Variants in DENND1B observed in about 807,000 individuals in gnomAD.
DENND1B encodes the protein DENN domain-containing protein 1B.
DENND1B carries 59 observed loss-of-function variants against 90.1 expected under a neutral mutation model. That is an observed-to-expected ratio of 0.65 (90% CI 0.53 to 0.81). The LOEUF (loss-of-function observed/expected upper bound fraction) is 0.81, where lower values mean the gene tolerates loss of function less well. DENND1B is among the 40% of genes least tolerant of loss of function. The pLI is 0.00. For synonymous variants in DENND1B, 337 were observed against 324.6 expected (o/e 1.04, Z -0.41); for missense variants, 862 against 912.6 (o/e 0.94, Z 0.71).
intron 2 of DENND1B, chr1:197,747,294 T>G (rs1652834461): frequency 1.6e-6 from 1 of 606,078 alleles, no homozygotes; most frequent in East Asian, 3.4e-5. Context: ...CAGTTTTGGG[T>G]TCATCTATCG....
rs1296089356 is a variant in DENND1B, at chr1:197,510,302, T to C, written c.*158A>G. Reference sequence around the variant, plus strand: ...AATTCGCTTTATATTTAAAAATCAATGCATTTCATATATCCTCGAAATGAA... The same window carrying C: ...AATTCGCTTTATATTTAAAAATCAACGCATTTCATATATCCTCGAAATGAA... On this transcript the variant is annotated 3_prime_UTR_variant, in exon 23 of 23. Coordinates refer to ENST00000620048, the MANE Select transcript of DENND1B (RefSeq NM_001195215.2). 1.3e-6 allele frequency: 1 copy of C among 791,920 alleles called. No individual in the cohort carries two copies. Among genetic ancestry groups the C allele is most frequent in the Non-Finnish European group, 1.9e-6 (1 of 522,848 alleles). The allele number at this position is 791,920 out of a possible 1,614,324, so 49.1% of individuals were successfully genotyped here. A position where few individuals can be genotyped will look rare whatever the true frequency, so the allele number is the denominator to read the frequency against.
chr1:197,654,565 G>A (rs527778010), intron 6 of DENND1B, among the ~76,000 whole-genome samples: 4 of 151,476 alleles, frequency 2.6e-5, no homozygotes, highest in African/African-American at 7.3e-5. Flanking sequence ...AGCCGAGATC[G>A]CACCACTGCC....
intron 7 of DENND1B, among the ~76,000 whole-genome samples, chr1:197,651,381 CA>C (rs1460338643): frequency 1.3e-5 from 2 of 151,970 alleles, no homozygotes; most frequent in Non-Finnish European, 2.9e-5. Flanking sequence ...TTCAATAGTA[CA>C]ATAAATAATC....
intron 16 of DENND1B, among the ~76,000 whole-genome samples, chr1:197,551,587 T>C (rs1671246707): frequency 6.6e-6 from 1 of 152,102 alleles, no homozygotes; most frequent in African/African-American, 2.4e-5. Context: ...TATTCAGAGG[T>C]ACCTGGACCA....
Position 197,628,336 on chromosome 1 carries a change from C to T in DENND1B, c.673-10577G>A, listed in dbSNP as rs183124286. The stretch of plus-strand genomic sequence containing the variant: ...CTGGTACCAAAACAGATATATAGAT[C>T]AACGGAACAGAACAGAGCCCTCAGA... On this transcript the variant is annotated intron_variant, in intron 10 of 22. Transcript: ENST00000620048. Among the ~76,000 whole-genome samples, 668 of 152,182 alleles carry T rather than the reference C, an allele frequency of 4.4e-3. 10 individuals carry two copies. The highest frequency in any genetic ancestry group is 0.015 in the African/African-American group (625 of 41,524).
At chr1:197,735,554 C>G (rs369564745) in intron 2 of DENND1B, 1 of 1,613,718 alleles carries the variant, frequency 6.2e-7, no homozygotes, top group Non-Finnish European at 8.5e-7. Context: ...ACAAAGTGTT[C>G]TTAGACTTTT....
intron 11 of DENND1B, among the ~76,000 whole-genome samples, chr1:197,612,773 T>C (rs1677294287): frequency 6.6e-6 from 1 of 150,606 alleles, no homozygotes; most frequent in Non-Finnish European, 1.5e-5. Flanking sequence ...ATAGACAATA[T>C]AAACTGAATA....
At chr1:197,516,097 T>C (rs1208670348) in intron 20 of DENND1B, among the ~76,000 whole-genome samples, 1 of 151,838 alleles carries the variant, frequency 6.6e-6, no homozygotes, top group African/African-American at 2.4e-5. Context: ...TTCTATCCAT[T>C]TCTATATAGG....
intron 20 of DENND1B, among the ~76,000 whole-genome samples, chr1:197,529,298 ATGTGTATATATGTATATATATG>A (rs1669441429): frequency 6.9e-6 from 1 of 144,568 alleles, no homozygotes; most frequent in African/African-American, 2.6e-5. Flanking sequence ...ATATGTATAT[ATGTGTATATATGTATATATATG>A]TGTGTATATA....
At position 197,569,972 on chromosome 1, in the gene DENND1B, T is replaced by C. The variant is rs943656021; in HGVS notation, c.1149+13180A>G. Among the ~76,000 whole-genome samples the C allele has an allele frequency of 3.3e-5, 5 of 152,182 alleles. No individual in the cohort carries two copies. The South Asian group carries it at 6.2e-4, about 19-fold the overall frequency. ...TGTTAATTACATGAGTTAACTGATA[T>C]GTTACTTAGCTTGATTTAGTCATTC... is the stretch of plus-strand genomic sequence containing the variant. On this transcript the variant is annotated intron_variant, in intron 15 of 22. Coordinates refer to ENST00000620048, the MANE Select transcript of DENND1B (RefSeq NM_001195215.2).
chr1:197,621,024 A>T (rs982532767), intron 10 of DENND1B, among the ~76,000 whole-genome samples: 1 of 151,340 alleles, frequency 6.6e-6, no homozygotes, highest in East Asian at 2.0e-4. Flanking sequence ...ATTCCAGGTA[A>T]ATTAAACGAG....
intron 2 of DENND1B, among the ~76,000 whole-genome samples, chr1:197,751,127 A>C (rs1160886140): frequency 6.6e-6 from 1 of 152,220 alleles, no homozygotes; most frequent in African/African-American, 2.4e-5. Flanking sequence ...ACAACTGCAG[A>C]ATATATATTC....
In DENND1B at chr1:197,680,568, A is replaced by G. The variant is rs76697174; in HGVS notation, c.127-6399T>C. On this transcript the variant is annotated intron_variant, in intron 3 of 22. Coordinates refer to ENST00000620048, the MANE Select transcript of DENND1B (RefSeq NM_001195215.2). ...CGAGAGTAAAGGAAATACAATTCCT[A>G]ATTTTCAAAACTAGGGAGACTTGAG... 5.8e-3 allele frequency among the ~76,000 whole-genome samples: 883 copies of G among 152,330 alleles called. 9 individuals are homozygous for G. The highest frequency in any genetic ancestry group is 0.02 in the African/African-American group (816 of 41,582).
At chr1:197,737,996 A>C (rs570580077) in intron 2 of DENND1B, among the ~76,000 whole-genome samples, 6 of 134,308 alleles carry the variant, frequency 4.5e-5, no homozygotes, top group African/African-American at 1.4e-4. Flanking sequence ...AACCCAGCTC[A>C]TTTTCTTCCC....
chr1:197,607,171 C>T lies in DENND1B; in HGVS notation c.823G>A (p.Val275Met), dbSNP rs759468236. The change falls in exon 13 of 23, where the codon GTG becomes ATG. Residue 275 changes from valine (V) to methionine (M), a missense_variant. Physicochemically the swap from Val to Met is conservative, Grantham distance 21. Transcript: ENST00000620048. Reference protein sequence around the residue: ...IGIHSSLIERVKNKSLEDVVM... With the variant: ...IGIHSSLIERMKNKSLEDVVM... ...ACATCTTCCAATGATTTGTTTTTCA[C>T]TCTCTATAAAAAAAACACAATTATG... 2.1e-6 allele frequency: 3 copies of T among 1,442,594 alleles called. No individual in the cohort carries two copies. The highest frequency in any genetic ancestry group is 2.7e-6 in the Non-Finnish European group (3 of 1,095,510). The allele number at this position is 1,442,594 out of a possible 1,614,324, so 89.4% of individuals were successfully genotyped here.
At chr1:197,598,821 T>C (rs1158687826) in intron 13 of DENND1B, among the ~76,000 whole-genome samples, 1 of 151,898 alleles carries the variant, frequency 6.6e-6, no homozygotes, top group East Asian at 1.9e-4. Context: ...TATTGTATTG[T>C]CTTTAGAGAT....
At chr1:197,700,332 G>A (rs974410059) in intron 3 of DENND1B, among the ~76,000 whole-genome samples, 1 of 152,112 alleles carries the variant, frequency 6.6e-6, no homozygotes, top group Admixed American at 6.6e-5. Context: ...ACAACCATCT[G>A]ATCTTTGGCA....
At chr1:197,655,560 C>T (rs895881213) in intron 6 of DENND1B, among the ~76,000 whole-genome samples, 5 of 148,846 alleles carry the variant, frequency 3.4e-5, no homozygotes, top group African/African-American at 1.2e-4. Flanking sequence ...GAGACGGAGT[C>T]TCGCTCTGTC....
At chr1:197,670,414 C>G (rs910093856) in intron 5 of DENND1B, among the ~76,000 whole-genome samples, 3 of 124,846 alleles carry the variant, frequency 2.4e-5, no homozygotes, top group Admixed American at 8.3e-5. Flanking sequence ...AATGGGTGCA[C>G]AAAAACAACA....
Sources: allele counts gnomAD v4.1 joint callset (sites outside exome capture counted in the v4.1 genomes callset), GRCh38; gene constraint gnomAD v4.1.1; transcripts MANE v1.5; gene names NCBI Gene and HGNC (gene_info 2026-07-23, HGNC 2026-07-21).